The following GRM7 variants were observed in gnomAD, a reference collection of about 807,000 sequenced individuals.
GRM7 encodes the protein metabotropic glutamate receptor 7.
Under a neutral mutation model 84.5 loss-of-function variants are expected in GRM7, and 35 were observed. The observed-to-expected ratio is 0.41, with a 90% CI of 0.32 to 0.55. GRM7 has a LOEUF of 0.55. Among genes scored for constraint, GRM7 ranks in the 20% least tolerant of loss-of-function variants. The pLI is 0.19. For synonymous variants in GRM7, 487 were observed against 455.1 expected, an observed-to-expected ratio of 1.07 and a Z score of -0.89; for missense variants, 1,003 against 1,194.6, an observed-to-expected ratio of 0.84 and a Z score of 2.36.
chr3:7,612,244 C>A (rs2125080622), intron 8 of GRM7, among the ~76,000 whole-genome samples: 1 of 152,320 alleles, frequency 6.6e-6, no homozygotes, highest in Admixed American at 6.5e-5. Context: ...AGTCACTTTT[C>A]TTTAACCTCC....
chr3:7,628,579 A>C (rs1697725652), intron 8 of GRM7, among the ~76,000 whole-genome samples: 1 of 152,206 alleles, frequency 6.6e-6, no homozygotes, highest in Admixed American at 6.5e-5. Context: ...TCATTGTAAA[A>C]TAATATGATT....
intron 8 of GRM7, among the ~76,000 whole-genome samples, chr3:7,665,081 A>G (rs952984520): frequency 6.6e-6 from 1 of 151,972 alleles, no homozygotes; most frequent in African/African-American, 2.4e-5. Flanking sequence ...AAAGATAGCA[A>G]TGACACATTC....
intron 1 of GRM7, among the ~76,000 whole-genome samples, chr3:6,987,800 G>T (rs941967427): frequency 2.6e-5 from 4 of 152,136 alleles, no homozygotes; most frequent in Admixed American, 6.5e-5. Context: ...TGGAAACAGA[G>T]AGACCAGGAA....
At chr3:7,575,234 C>T (rs1340876465) in intron 7 of GRM7, among the ~76,000 whole-genome samples, 1 of 152,172 alleles carries the variant, frequency 6.6e-6, no homozygotes, top group African/African-American at 2.4e-5. Flanking sequence ...TACCCCAAAA[C>T]CATAAACCTT....
chr3:7,019,565 G>A (rs939533117), intron 1 of GRM7, among the ~76,000 whole-genome samples: 4 of 152,164 alleles, frequency 2.6e-5, no homozygotes, highest in Non-Finnish European at 4.4e-5. Context: ...TGAATGAGTC[G>A]CCATCATTTT....
At chr3:7,129,339 G>A (rs888211826) in intron 1 of GRM7, among the ~76,000 whole-genome samples, 5 of 152,158 alleles carry the variant, frequency 3.3e-5, no homozygotes, top group African/African-American at 1.2e-4. Flanking sequence ...CTAGCCTAAA[G>A]CTGCACATGA....
At chr3:7,434,630 A>G (rs970422957) in intron 5 of GRM7, among the ~76,000 whole-genome samples, 4 of 152,212 alleles carry the variant, frequency 2.6e-5, no homozygotes, top group African/African-American at 9.6e-5. Flanking sequence ...TTGCAGTCCT[A>G]GGATAAACCA....
chr3:7,648,252 T>G (rs1698747182), intron 8 of GRM7, among the ~76,000 whole-genome samples: 1 of 145,662 alleles, frequency 6.9e-6, no homozygotes, highest in Non-Finnish European at 1.5e-5. Context: ...TAAATAGTTT[T>G]TTTTTTATGT....
At chr3:7,729,422 A>G (rs1036248454) in intron 9 of GRM7, among the ~76,000 whole-genome samples, 1 of 152,232 alleles carries the variant, frequency 6.6e-6, no homozygotes, top group Admixed American at 6.5e-5. Flanking sequence ...TAAGTGCAAG[A>G]AGGCTATGAT....
chr3:7,498,207 A>G (rs751132292), intron 7 of GRM7, among the ~76,000 whole-genome samples: 1 of 152,096 alleles, frequency 6.6e-6, no homozygotes, highest in Non-Finnish European at 1.5e-5. Flanking sequence ...CGAAGTCCCC[A>G]CAGATAATTG....
chr3:7,116,179 T>A (rs1693025788), intron 1 of GRM7, among the ~76,000 whole-genome samples: 1 of 152,088 alleles, frequency 6.6e-6, no homozygotes, highest in Non-Finnish European at 1.5e-5. Flanking sequence ...GCAAAAATAA[T>A]TTCTTCCTTT....
intron 2 of GRM7, among the ~76,000 whole-genome samples, chr3:7,162,682 G>A (rs1694662081): frequency 8.4e-6 from 1 of 119,096 alleles, no homozygotes; most frequent in African/African-American, 3.0e-5. Context: ...ATTTGAGGAT[G>A]TTTGTTTTCT....
At position 7,094,764 on chromosome 3, in the gene GRM7, A is replaced by G. The variant is rs79569052; in HGVS notation, c.520-51688A>G. ...CCATTTCCTAATTTGCAAAATGGGA[A>G]TAATAAAATGTGTTCAATAATTTTA... On this transcript the variant is annotated intron_variant, in intron 1 of 9. Transcript: ENST00000357716. Among the ~76,000 whole-genome samples, 1,448 of 152,068 alleles carry G rather than the reference A, an allele frequency of 9.5e-3. 19 individuals are homozygous for G. The highest frequency in any genetic ancestry group is 0.033 in the African/African-American group (1,356 of 41,338).
intron 4 of GRM7, among the ~76,000 whole-genome samples, chr3:7,331,945 A>T (rs377062314): frequency 6.6e-6 from 1 of 152,188 alleles, no homozygotes; most frequent in East Asian, 1.9e-4. Context: ...CTGGAAAAGG[A>T]TGTTGAAACT....
At chr3:7,324,141 C>T (rs1441867112) in intron 4 of GRM7, among the ~76,000 whole-genome samples, 3 of 152,262 alleles carry the variant, frequency 2.0e-5, no homozygotes, top group Non-Finnish European at 4.4e-5. Context: ...CCATTTATTT[C>T]CTGATCCAGA....
intron 1 of GRM7, among the ~76,000 whole-genome samples, chr3:6,934,022 A>G (rs1282089092): frequency 6.6e-6 from 1 of 152,186 alleles, no homozygotes; most frequent in Non-Finnish European, 1.5e-5. Context: ...CCGAGCTAAG[A>G]CAGTTCCAAT....
intron 4 of GRM7, among the ~76,000 whole-genome samples, chr3:7,316,888 G>A (rs1700601348): frequency 6.6e-6 from 1 of 152,098 alleles, no homozygotes; most frequent in Non-Finnish European, 1.5e-5. Flanking sequence ...ACAGAAAATA[G>A]GGGACCAAAG....
intron 4 of GRM7, among the ~76,000 whole-genome samples, chr3:7,360,574 C>T (rs1693617307): frequency 6.6e-6 from 1 of 152,006 alleles, no homozygotes; most frequent in Admixed American, 6.6e-5. Context: ...ATTCATTTAT[C>T]AGCTTCAGGA....
At chr3:7,199,165 A>G (rs1466609913) in intron 2 of GRM7, among the ~76,000 whole-genome samples, 2 of 152,212 alleles carry the variant, frequency 1.3e-5, no homozygotes, top group Non-Finnish European at 1.5e-5. Flanking sequence ...AATAACACTA[A>G]TATTTCCAGG....
Sources: allele counts gnomAD v4.1 joint callset (sites outside exome capture counted in the v4.1 genomes callset), GRCh38; gene constraint gnomAD v4.1.1; transcripts MANE v1.5; gene names NCBI Gene and HGNC (gene_info 2026-07-23, HGNC 2026-07-21).